Variants in PSMD14 observed in about 807,000 individuals in gnomAD.
The protein encoded by PSMD14 is proteasome 26S subunit, non-ATPase 14, also known as ubiquitin C-terminal hydrolase PSMD14.
A neutral mutation model predicts 41.2 loss-of-function variants in PSMD14; 7 were observed. That is an observed-to-expected ratio of 0.17 (90% CI 0.10 to 0.32). PSMD14 has a LOEUF of 0.32. PSMD14 is among the 10% of genes least tolerant of loss of function. The pLI is 1.00. For synonymous variants in PSMD14, 114 were observed against 122.3 expected, an observed-to-expected ratio of 0.93 and a Z score of 0.45; for missense variants, 139 against 375.6, an observed-to-expected ratio of 0.37 and a Z score of 5.21.
intron 3 of PSMD14, 171 bp downstream of exon 3, chr2:161,319,044 A>G: frequency 2.2e-6 from 1 of 448,904 alleles, no homozygotes; most frequent in Non-Finnish European, 3.9e-6. Context: ...ACATGTGGAA[A>G]ACATTTATTG....
intron 11 of PSMD14, 78 bp from the exon 12 acceptor site, chr2:161,411,224 G>C (rs1384499692): frequency 1.2e-6 from 1 of 829,526 alleles, no homozygotes; most frequent in Non-Finnish European, 1.8e-6. Flanking sequence ...AGTTTCATCA[G>C]CTACTGAAAA....
chr2:161,318,949 AT>A (rs1689174112), intron 3 of PSMD14, 76 bp downstream of exon 3: 1 of 1,186,216 alleles, frequency 8.4e-7, no homozygotes, highest in Admixed American at 2.4e-5. Flanking sequence ...AGAGAAAGAA[AT>A]TATCCCCAAG....
intron 3 of PSMD14, chr2:161,340,906 A>G (rs1186633013): frequency 6.2e-7 from 1 of 1,613,742 alleles, no homozygotes; most frequent in African/African-American, 1.3e-5. Flanking sequence ...CTGTATTTGA[A>G]GGAGAAGCCT....
chr2:161,406,974 C>G (rs747917516), intron 10 of PSMD14, among the ~76,000 whole-genome samples: 1 of 151,948 alleles, frequency 6.6e-6, no homozygotes, highest in Non-Finnish European at 1.5e-5. Flanking sequence ...TGCAATATTC[C>G]GCAATACTCC....
At chr2:161,401,778 C>CATT (rs34830575) in intron 10 of PSMD14, among the ~76,000 whole-genome samples, 122,563 of 150,996 alleles carry the variant, frequency 0.81, 49,879 homozygotes, top group African/African-American at 0.87. Flanking sequence ...ATGCATTTGA[C>CATT]ATTATTATTA....
rs1180169079 is a variant in PSMD14, at chr2:161,371,159, C to G, written c.312-13C>G. The G allele has an allele frequency of 1.2e-6, 2 of 1,611,486 alleles. No homozygotes were observed. Among genetic ancestry groups the G allele is most frequent in the Non-Finnish European group, 8.5e-7 (1 of 1,178,390 alleles). ...GTTCTGTTCTGAGCATCTGAATGCC[C>G]TCTTTGTTTCAGGCCGGAGATGGTT... is the stretch of plus-strand genomic sequence containing the variant. On this transcript the variant is annotated splice_polypyrimidine_tract_variant and intron_variant, in intron 6 of 11. Transcript: ENST00000409682.
chr2:161,331,515 A>G (rs568619487), intron 3 of PSMD14, among the ~76,000 whole-genome samples: 1 of 152,008 alleles, frequency 6.6e-6, no homozygotes, highest in East Asian at 1.9e-4. Context: ...GCCTCGGCCT[A>G]CCAAAGTGCT....
intron 5 of PSMD14, among the ~76,000 whole-genome samples, chr2:161,368,117 A>G (rs1289579167): frequency 6.6e-6 from 1 of 152,146 alleles, no homozygotes; most frequent in African/African-American, 2.4e-5. Context: ...GAATGATGCT[A>G]ATGCTAAATT....
intron 3 of PSMD14, among the ~76,000 whole-genome samples, chr2:161,350,649 A>G (rs1014361223): frequency 1.3e-5 from 2 of 152,370 alleles, no homozygotes; most frequent in Middle Eastern, 3.4e-3. Flanking sequence ...ATCATTTCCA[A>G]TAAGAGTAAA....
chr2:161,398,329 T>C (rs1683829575), intron 10 of PSMD14, among the ~76,000 whole-genome samples: 2 of 152,254 alleles, frequency 1.3e-5, no homozygotes, highest in South Asian at 4.1e-4. Flanking sequence ...AGGTAATTGC[T>C]GTTGGATGCC....
chr2:161,318,852 A>T lies in PSMD14; in HGVS notation c.27A>T (p.Gly9=). MDRLLRLG[G]GMPGLGQGPP... is the part of the protein sequence containing the mutation. Reference sequence around the variant, plus strand: ...TGGACAGACTTCTTAGACTTGGAGGAGGTATGCCTGGACTGGGCCAGGTTA... The same window carrying T: ...TGGACAGACTTCTTAGACTTGGAGGTGGTATGCCTGGACTGGGCCAGGTTA... The change falls in exon 3 of 12, where the codon GGA becomes GGT. Residue 9 remains glycine, a synonymous_variant. Coordinates refer to ENST00000409682, the MANE Select transcript of PSMD14 (RefSeq NM_005805.6). 6.2e-7 allele frequency: 1 copy of T among 1,612,934 alleles called. No homozygotes were observed. The highest frequency in any genetic ancestry group is 8.5e-7 in the Non-Finnish European group (1 of 1,179,284).
At chr2:161,345,236 C>CTTTTT (rs869245727) in intron 3 of PSMD14, among the ~76,000 whole-genome samples, 44 of 56,986 alleles carry the variant, frequency 7.7e-4, no homozygotes, top group African/African-American at 1.3e-3. Flanking sequence ...ATCTCTGTGT[C>CTTTTT]TTTTTTTTTT....
chr2:161,318,086 T>C (rs1031546999), intron 2 of PSMD14, among the ~76,000 whole-genome samples: 15 of 152,206 alleles, frequency 9.9e-5, no homozygotes, highest in Admixed American at 9.8e-4. Flanking sequence ...CAGATTGATA[T>C]AGTAAATCCA....
chr2:161,400,236 T>C (rs1683857819), intron 10 of PSMD14, among the ~76,000 whole-genome samples: 1 of 152,234 alleles, frequency 6.6e-6, no homozygotes, highest in Non-Finnish European at 1.5e-5. Context: ...ATCTCTCTGC[T>C]CTGCTTTCCT....
At chr2:161,327,986 G>GTGTGTGTGTGTGTGTGTGTGTGTGTGTGT (rs778631832) in intron 3 of PSMD14, among the ~76,000 whole-genome samples, 1 of 148,246 alleles carries the variant, frequency 6.7e-6, no homozygotes, top group African/African-American at 2.5e-5. Context: ...GTGTGTGTGA[G>GTGTGTGTGTGTGTGTGTGTGTGTGTGTGT]ATGTTGGTTA....
intron 3 of PSMD14, among the ~76,000 whole-genome samples, chr2:161,336,084 G>T (rs978365371): frequency 2.0e-5 from 3 of 152,112 alleles, no homozygotes; most frequent in Admixed American, 2.0e-4. Flanking sequence ...GAATAGCTTT[G>T]CTTCGCCCAT....
At position 161,347,698 on chromosome 2, in the gene PSMD14, G is replaced by A. The variant is rs537742405; in HGVS notation, c.49-19780G>A. ...ATGTAGGACAGGATTTCTTAAACAA[G>A]ATAGCACAAATAATAAAGGGACGAT... On this transcript the variant is annotated intron_variant, in intron 3 of 11. Transcript: ENST00000409682. 6.6e-5 allele frequency among the ~76,000 whole-genome samples: 10 copies of A among 152,258 alleles called. No individual in the cohort carries two copies. The East Asian group carries it at 1.9e-3, about 29-fold the overall frequency.
chr2:161,330,914 A>G (rs1230713395), intron 3 of PSMD14, among the ~76,000 whole-genome samples: 6 of 152,206 alleles, frequency 3.9e-5, no homozygotes, highest in Admixed American at 1.3e-4. Context: ...TGCCTGTGGT[A>G]ATTTTCTATT....
chr2:161,317,211 G>T (rs1281488192), intron 2 of PSMD14, among the ~76,000 whole-genome samples: 3 of 152,100 alleles, frequency 2.0e-5, no homozygotes, highest in African/African-American at 7.2e-5. Context: ...ATGAGTATTT[G>T]ATGGAGATTT....
Sources: gnomAD v4.1 joint callset for allele counts (sites outside exome capture counted in the v4.1 genomes callset) on GRCh38, gnomAD v4.1.1 for gene constraint, MANE v1.5 for transcripts, NCBI Gene and HGNC (gene_info 2026-07-23, HGNC 2026-07-21) for gene names.